ZNF385D: variants seen among roughly 807,000 people sequenced by gnomAD.
The protein encoded by ZNF385D is zinc finger protein 385D.
In ZNF385D, 15 loss-of-function variants were observed where a neutral mutation model predicts 35.8. The observed-to-expected ratio is 0.42, with a 90% CI of 0.28 to 0.64. ZNF385D has a LOEUF of 0.64. ZNF385D is among the 30% of genes least tolerant of loss of function. ZNF385D has a pLI of 0.23. For synonymous variants in ZNF385D, 212 were observed against 186.8 expected (o/e 1.13, Z -1.10); for missense variants, 474 against 494.6 (o/e 0.96, Z 0.39).
chr3:21,604,395 T>A (rs1050717427), intron 2 of ZNF385D, among the ~76,000 whole-genome samples: 69 of 152,274 alleles, frequency 4.5e-4, no homozygotes, highest in African/African-American at 1.6e-3. Context: ...GGTTTTTGGT[T>A]TTTAAGCTGG....
intron 3 of ZNF385D, among the ~76,000 whole-genome samples, chr3:21,835,476 G>A (rs1454338898): frequency 6.6e-6 from 1 of 150,862 alleles, no homozygotes; most frequent in South Asian, 2.1e-4. Flanking sequence ...TCAGGAATGT[G>A]GTAAACACAT....
At chr3:22,136,073 A>G (rs998219446) in intron 3 of ZNF385D, among the ~76,000 whole-genome samples, 1 of 152,144 alleles carries the variant, frequency 6.6e-6, no homozygotes, top group Non-Finnish European at 1.5e-5. Flanking sequence ...GATCTAAGAC[A>G]TGACAACAAA....
chr3:22,119,808 A>G (rs1702994607), intron 3 of ZNF385D, among the ~76,000 whole-genome samples: 1 of 151,714 alleles, frequency 6.6e-6, no homozygotes, highest in South Asian at 2.1e-4. Context: ...ACTAGTGAGT[A>G]TTTATTCAGC....
chr3:21,763,239 CTCTG>C (rs761236258), intron 3 of ZNF385D, among the ~76,000 whole-genome samples: 7 of 152,158 alleles, frequency 4.6e-5, no homozygotes, highest in African/African-American at 1.4e-4. Context: ...GGTCTGTGTA[CTCTG>C]TCTGAGTAAC....
chr3:21,470,031 T>C (rs952859626), intron 4 of ZNF385D, among the ~76,000 whole-genome samples: 1 of 152,210 alleles, frequency 6.6e-6, no homozygotes, highest in African/African-American at 2.4e-5. Flanking sequence ...CAACTAAGTA[T>C]AGCTACTTTT....
chr3:21,947,843 T>C (rs1701871364), intron 3 of ZNF385D, among the ~76,000 whole-genome samples: 1 of 152,276 alleles, frequency 6.6e-6, no homozygotes. Flanking sequence ...GGGTTATGTA[T>C]TTGTCTATAT....
intron 2 of ZNF385D, among the ~76,000 whole-genome samples, chr3:22,365,019 C>T (rs61600877): frequency 0.035 from 5,299 of 152,092 alleles, 274 homozygotes; most frequent in African/African-American, 0.12. Flanking sequence ...ATTCCACTTA[C>T]ATGAGGTACT....
intron 2 of ZNF385D, among the ~76,000 whole-genome samples, chr3:21,571,212 C>G (rs1559417974): frequency 5.3e-5 from 8 of 152,150 alleles, no homozygotes; most frequent in Non-Finnish European, 8.8e-5. Context: ...TGCTTTTGCA[C>G]TTCATAAAAA....
At chr3:22,045,302 G>A (rs1363514772) in intron 3 of ZNF385D, among the ~76,000 whole-genome samples, 1 of 151,962 alleles carries the variant, frequency 6.6e-6, no homozygotes, top group Non-Finnish European at 1.5e-5. Context: ...TGTTATTATT[G>A]CTTGGTGTGA....
chr3:22,118,614 T>A (rs551192420), intron 3 of ZNF385D, among the ~76,000 whole-genome samples: 10 of 152,078 alleles, frequency 6.6e-5, no homozygotes, highest in African/African-American at 1.4e-4. Flanking sequence ...CCCAATGATA[T>A]CGGTAAGAGG....
chr3:22,154,558 A>T (rs1315794318), intron 3 of ZNF385D, among the ~76,000 whole-genome samples: 1 of 152,140 alleles, frequency 6.6e-6, no homozygotes, highest in African/African-American at 2.4e-5. Context: ...TTCACCATAC[A>T]AAGTGGAATA....
intron 2 of ZNF385D, among the ~76,000 whole-genome samples, chr3:21,619,413 CGTGT>C (rs10594035): frequency 0.21 from 31,361 of 147,694 alleles, 4,018 homozygotes; most frequent in African/African-American, 0.38. Context: ...CGTGTGTGTG[CGTGT>C]GTGTGTGTGT....
At chr3:21,741,096 C>G (rs2069492472) in intron 1 of ZNF385D, among the ~76,000 whole-genome samples, 1 of 152,150 alleles carries the variant, frequency 6.6e-6, no homozygotes, top group Admixed American at 6.5e-5. Context: ...CTTCTGTGAG[C>G]AGTGGCCACA....
intron 2 of ZNF385D, among the ~76,000 whole-genome samples, chr3:22,356,354 T>C (rs1273214304): frequency 2.0e-5 from 3 of 151,998 alleles, no homozygotes; most frequent in Admixed American, 1.3e-4. Context: ...GTATTATCTT[T>C]GTATGATTTC....
intron 3 of ZNF385D, among the ~76,000 whole-genome samples, chr3:21,517,718 T>A (rs1288565626): frequency 3.3e-5 from 5 of 152,198 alleles, no homozygotes; most frequent in Non-Finnish European, 5.9e-5. Flanking sequence ...TGCAGCCATA[T>A]GGGTGAAGAT....
intron 5 of ZNF385D, among the ~76,000 whole-genome samples, chr3:21,426,712 C>G (rs1307615846): frequency 2.0e-5 from 3 of 152,040 alleles, no homozygotes; most frequent in Admixed American, 2.0e-4. Flanking sequence ...GAAATGATTC[C>G]TAACTTCTGA....
At chr3:22,254,876 A>G (rs1700234968) in intron 2 of ZNF385D, among the ~76,000 whole-genome samples, 2 of 151,850 alleles carry the variant, frequency 1.3e-5, no homozygotes, top group Admixed American at 6.6e-5. Flanking sequence ...CTGTGTTATC[A>G]GTCCTCTCTG....
intron 1 of ZNF385D, among the ~76,000 whole-genome samples, chr3:21,696,900 A>G (rs1179641919): frequency 6.6e-6 from 1 of 152,202 alleles, no homozygotes; most frequent in African/African-American, 2.4e-5. Context: ...TTAGTATTTT[A>G]TTTACCTGTT....
chr3:21,755,935 G>A (rs1196944285), upstream of ZNF385D, among the ~76,000 whole-genome samples: 1 of 152,178 alleles, frequency 6.6e-6, no homozygotes, highest in Non-Finnish European at 1.5e-5. Flanking sequence ...TGCTAGAGTA[G>A]AGTAGATCTT....
Sources: gnomAD v4.1 joint callset for allele counts (sites outside exome capture counted in the v4.1 genomes callset) on GRCh38, gnomAD v4.1.1 for gene constraint, MANE v1.5 for transcripts, NCBI Gene and HGNC (gene_info 2026-07-23, HGNC 2026-07-21) for gene names.